Variants in HTR4 observed in about 807,000 individuals in gnomAD.
HTR4 encodes 5-hydroxytryptamine receptor 4.
In HTR4, 16 loss-of-function variants were observed where a neutral mutation model predicts 36.8. The observed-to-expected ratio is 0.43, with a 90% CI of 0.29 to 0.66. HTR4 has a LOEUF of 0.66. HTR4 is among the 30% of genes least tolerant of loss of function. The probability of loss-of-function intolerance (pLI) is 0.13; values close to 1 mark genes in which losing one functional copy is unlikely to be tolerated. For missense variants in HTR4, 438 were observed against 490.9 expected, an observed-to-expected ratio of 0.89 and a Z score of 1.02; for synonymous variants, 189 against 185.1, an observed-to-expected ratio of 1.02 and a Z score of -0.17.
At chr5:148,478,856 T>C (rs1239959912), downstream of HTR4, among the ~76,000 whole-genome samples, 1 of 152,214 alleles carries the variant, frequency 6.6e-6, no homozygotes, top group Non-Finnish European at 1.5e-5. Context: ...TATTTTACTC[T>C]GGACATTACT....
intron 2 of HTR4, among the ~76,000 whole-genome samples, chr5:148,566,436 T>C (rs1252623281): frequency 6.6e-6 from 1 of 152,164 alleles, no homozygotes; most frequent in Non-Finnish European, 1.5e-5. Context: ...AGTGTCAAGC[T>C]TGACAGGGAA....
At chr5:148,463,770 C>G (rs1485958578) in intron 5 of HTR4, among the ~76,000 whole-genome samples, 1 of 150,906 alleles carries the variant, frequency 6.6e-6, no homozygotes, top group Non-Finnish European at 1.5e-5. Context: ...AGACCCAGAA[C>G]AGCCAACACA....
At chr5:148,540,411 T>C (rs1445580113) in intron 4 of HTR4, among the ~76,000 whole-genome samples, 2 of 81,658 alleles carry the variant, frequency 2.4e-5, no homozygotes, top group Non-Finnish European at 5.8e-5. Context: ...TATATATATA[T>C]ATATATATAT....
At chr5:148,566,377 T>G (rs1282658759) in intron 2 of HTR4, among the ~76,000 whole-genome samples, 1 of 152,152 alleles carries the variant, frequency 6.6e-6, no homozygotes, top group Non-Finnish European at 1.5e-5. Context: ...TCTTCCTCCA[T>G]CTCAAGAAAA....
intron 1 of HTR4, among the ~76,000 whole-genome samples, chr5:148,641,240 T>C (rs1017357878): frequency 2.6e-5 from 4 of 152,182 alleles, no homozygotes; most frequent in African/African-American, 9.7e-5. Context: ...TCAGAGCATC[T>C]CCTATGCTCA....
chr5:148,475,054 A>AT (rs1246268927), downstream of HTR4, among the ~76,000 whole-genome samples: 1 of 151,842 alleles, frequency 6.6e-6, no homozygotes, highest in African/African-American at 2.4e-5. Flanking sequence ...CCAAAAAAAA[A>AT]AGTAGTCTCC....
intron 2 of HTR4, among the ~76,000 whole-genome samples, chr5:148,586,856 C>T (rs1262415182): frequency 6.6e-6 from 1 of 152,180 alleles, no homozygotes; most frequent in Non-Finnish European, 1.5e-5. Flanking sequence ...GGTCCAACTT[C>T]TCTCACCCAC....
intron 4 of HTR4, among the ~76,000 whole-genome samples, chr5:148,527,811 G>A (rs191924503): frequency 7.3e-4 from 111 of 152,178 alleles, no homozygotes; most frequent in African/African-American, 2.6e-3. Context: ...ACAGGGTTTC[G>A]CTATGTTGGC....
chr5:148,459,422 T>C lies in HTR4; in HGVS notation c.1077-8150A>G, dbSNP rs372517281. On this transcript the variant is annotated intron_variant, in intron 5 of 5. Transcript: ENST00000521530. ...GAGGTCTGCCTTCAGGAGAAATATG[T>C]AGCAAGCCTAACCTATGAGAATTTT... is the stretch of plus-strand genomic sequence containing the variant. 1.2e-4 allele frequency among the ~76,000 whole-genome samples: 19 copies of C among 152,238 alleles called. No individual in the cohort carries two copies. In the East Asian group the frequency reaches 2.9e-3, roughly 23 times the overall value.
At chr5:148,466,813 C>A (rs963118047) in intron 5 of HTR4, among the ~76,000 whole-genome samples, 1 of 152,194 alleles carries the variant, frequency 6.6e-6, no homozygotes, top group African/African-American at 2.4e-5. Flanking sequence ...ATTAAGTGGT[C>A]ATTTAGACCT....
chr5:148,461,579 A>G (rs1189280000), intron 5 of HTR4, among the ~76,000 whole-genome samples: 1 of 152,032 alleles, frequency 6.6e-6, no homozygotes, highest in Non-Finnish European at 1.5e-5. Flanking sequence ...ATAATCCTTA[A>G]CACTGCATAC....
intron 5 of HTR4, among the ~76,000 whole-genome samples, chr5:148,471,152 G>A (rs1755557238): frequency 6.6e-6 from 1 of 152,186 alleles, no homozygotes; most frequent in Admixed American, 6.5e-5. Context: ...CGTGTATGCT[G>A]TTAAAATGTA....
chr5:148,452,601 C>T (rs1755000349), intron 5 of HTR4, among the ~76,000 whole-genome samples: 1 of 152,116 alleles, frequency 6.6e-6, no homozygotes. Flanking sequence ...TTGAGAAACC[C>T]TAATCTAGAA....
chr5:148,652,178 A>G (rs1754058871), intron 1 of HTR4, among the ~76,000 whole-genome samples: 1 of 152,222 alleles, frequency 6.6e-6, no homozygotes, highest in African/African-American at 2.4e-5. Context: ...ATTCCCAAGT[A>G]AGGGTCTTAC....
At chr5:148,578,611 A>G (rs1419434958) in intron 2 of HTR4, among the ~76,000 whole-genome samples, 1 of 152,134 alleles carries the variant, frequency 6.6e-6, no homozygotes, top group Non-Finnish European at 1.5e-5. Context: ...AATCGCTAAA[A>G]GCACAGTCTT....
At chr5:148,515,508 A>C (rs970202171) in intron 5 of HTR4, among the ~76,000 whole-genome samples, 2 of 152,200 alleles carry the variant, frequency 1.3e-5, no homozygotes, top group Admixed American at 1.3e-4. Flanking sequence ...GTCACAATAC[A>C]AAAACCTGAT....
chr5:148,506,666 C>G (rs1478303311), intron 6 of HTR4, among the ~76,000 whole-genome samples: 1 of 152,072 alleles, frequency 6.6e-6, no homozygotes, highest in Non-Finnish European at 1.5e-5. Context: ...AGAACTCAAA[C>G]AAATTTACAA....
chr5:148,626,385 A>C (rs1002724970), intron 2 of HTR4, among the ~76,000 whole-genome samples: 1 of 152,214 alleles, frequency 6.6e-6, no homozygotes, highest in Admixed American at 6.5e-5. Context: ...TAAAAGTCAC[A>C]CTAACTCAAT....
At chr5:148,502,188 C>T (rs1217447252) in intron 6 of HTR4, among the ~76,000 whole-genome samples, 1 of 152,170 alleles carries the variant, frequency 6.6e-6, no homozygotes, top group East Asian at 1.9e-4. Context: ...TGAGAATGGA[C>T]AGACTGCCTC....
Sources: allele counts gnomAD v4.1 joint callset (sites outside exome capture counted in the v4.1 genomes callset), GRCh38; gene constraint gnomAD v4.1.1; transcripts MANE v1.5; gene names NCBI Gene and HGNC (gene_info 2026-07-23, HGNC 2026-07-21).